Variants in RAB11FIP4 observed in about 807,000 individuals in gnomAD.
RAB11FIP4 encodes rab11 family-interacting protein 4.
In RAB11FIP4, 23 loss-of-function variants were observed where a neutral mutation model predicts 74.3. That is an observed-to-expected ratio of 0.31 (90% CI 0.22 to 0.44). RAB11FIP4 has a LOEUF of 0.44. Among genes scored for constraint, RAB11FIP4 ranks in the 20% least tolerant of loss-of-function variants. The probability of loss-of-function intolerance (pLI) is 1.00; values close to 1 mark genes in which losing one functional copy is unlikely to be tolerated. For synonymous variants in RAB11FIP4, 360 were observed against 359.9 expected (o/e 1.00, Z 0.00); for missense variants, 630 against 863.9 (o/e 0.73, Z 3.39).
chr17:31,510,361 C>T (rs904553088), intron 3 of RAB11FIP4, among the ~76,000 whole-genome samples: 1 of 152,390 alleles, frequency 6.6e-6, no homozygotes, highest in Non-Finnish European at 1.5e-5. Context: ...TCCACCCCCA[C>T]CGCACACATG....
chr17:31,524,531 C>T (rs890722528), intron 9 of RAB11FIP4: 1 of 169,430 alleles, frequency 5.9e-6, no homozygotes, highest in Admixed American at 5.5e-5. Flanking sequence ...TCACAGGGCC[C>T]AAAGATGGGC....
intron 3 of RAB11FIP4, among the ~76,000 whole-genome samples, chr17:31,473,377 CAA>C (rs10562376): frequency 0.2 from 29,046 of 146,994 alleles, 3,187 homozygotes; most frequent in African/African-American, 0.3. Flanking sequence ...CAGTCTCTAC[CAA>C]AAAAAAAAAA....
Position 31,486,235 on chromosome 17 carries a change from A to AAAAT in RAB11FIP4, c.337-31400_337-31397dup, listed in dbSNP as rs955807151. Among the ~76,000 whole-genome samples the AAAAT allele has an allele frequency of 8.5e-5, 13 of 152,180 alleles. No homozygotes were observed. In the South Asian group the frequency reaches 1.0e-3, roughly 12 times the overall value. The stretch of plus-strand genomic sequence containing the variant: ...GGCAACAGAATGAAATATAAATCTC[A>AAAAT]AAATAAATAAATAAATAAACAAATA... On this transcript the variant is annotated intron_variant, in intron 3 of 14. Coordinates refer to ENST00000621161, the MANE Select transcript of RAB11FIP4 (RefSeq NM_032932.6).
intron 3 of RAB11FIP4, among the ~76,000 whole-genome samples, chr17:31,492,898 C>T (rs866650315): frequency 1.4e-4 from 21 of 152,190 alleles, no homozygotes; most frequent in South Asian, 6.2e-4. Flanking sequence ...CCCCCCTGAG[C>T]ACCCAGACAA....
At chr17:31,448,375 A>G (rs899881215) in intron 3 of RAB11FIP4, 3 of 129,498 alleles carry the variant, frequency 2.3e-5, no homozygotes, top group Non-Finnish European at 3.1e-5. Context: ...ACAGGCTCAT[A>G]CCACCACATC....
intron 3 of RAB11FIP4, 69 bp from the exon 4 acceptor site, chr17:31,517,581 TG>T: frequency 7.0e-7 from 1 of 1,436,736 alleles, no homozygotes; most frequent in Non-Finnish European, 9.6e-7. Context: ...GATGCCCTTG[TG>T]GTCTGATTGG....
chr17:31,438,198 G>A (rs74899032), intron 3 of RAB11FIP4, among the ~76,000 whole-genome samples: 1,739 of 152,162 alleles, frequency 0.011, 32 homozygotes, highest in African/African-American at 0.039. Context: ...AGGGGCCCCC[G>A]TGGGGAGGGG....
intron 3 of RAB11FIP4, among the ~76,000 whole-genome samples, chr17:31,444,774 T>C (rs1446739143): frequency 1.3e-5 from 2 of 152,242 alleles, no homozygotes; most frequent in African/African-American, 2.4e-5. Context: ...TTTATGAACC[T>C]GTAGGACATT....
intron 1 of RAB11FIP4, among the ~76,000 whole-genome samples, chr17:31,407,610 C>T (rs2071055097): frequency 6.6e-6 from 1 of 152,152 alleles, no homozygotes; most frequent in Non-Finnish European, 1.5e-5. Flanking sequence ...GGAGTCCAGG[C>T]CAGTTGTCCT....
chr17:31,402,788 ATTTT>A (rs1330720323), intron 1 of RAB11FIP4, among the ~76,000 whole-genome samples: 22 of 147,106 alleles, frequency 1.5e-4, no homozygotes, highest in Non-Finnish European at 2.3e-4. Context: ...CTCCTGGCTA[ATTTT>A]TTTTTTGTAT....
At chr17:31,525,713 G>T (rs1336103056) in intron 10 of RAB11FIP4, 1 of 167,452 alleles carries the variant, frequency 6.0e-6, no homozygotes, top group East Asian at 1.8e-4. Context: ...TAGCTCCATG[G>T]CCTTGGACGT....
intron 4 of RAB11FIP4, among the ~76,000 whole-genome samples, chr17:31,519,489 C>T (rs1329984336): frequency 6.6e-6 from 1 of 152,140 alleles, no homozygotes; most frequent in African/African-American, 2.4e-5. Context: ...CATCTCAGCC[C>T]TCACCAAGTC....
chr17:31,494,374 G>GGATGAGGCTAGTACCTCC (rs1555547665), intron 3 of RAB11FIP4, among the ~76,000 whole-genome samples: 6 of 146,748 alleles, frequency 4.1e-5, no homozygotes, highest in Admixed American at 2.1e-4. Flanking sequence ...TCGTGGTAAG[G>GGATGAGGCTAGTACCTCC]CTCAAATATG....
rs565076763 is a variant in RAB11FIP4 at position 31,437,283 on chromosome 17, C to T, written c.336+3161C>T. On this transcript the variant is annotated intron_variant, in intron 3 of 14. Coordinates refer to ENST00000621161, the MANE Select transcript of RAB11FIP4 (RefSeq NM_032932.6). ...GGGCACAATCCGAAGACCAGCCTGA[C>T]GGGGCAGACGGCTTCTGGATTGTGA... Among the ~76,000 whole-genome samples the T allele has an allele frequency of 1.2e-4, 19 of 152,238 alleles. No homozygotes were observed. In the East Asian group the frequency reaches 1.9e-3, roughly 15 times the overall value.
chr17:31,430,040 A>G (rs1231218483), intron 1 of RAB11FIP4, among the ~76,000 whole-genome samples: 1 of 152,176 alleles, frequency 6.6e-6, no homozygotes, highest in Non-Finnish European at 1.5e-5. Flanking sequence ...ACAAGACAGG[A>G]TAGCAGCGGG....
At chr17:31,525,555 C>T (rs895443170) in intron 10 of RAB11FIP4, 1 of 317,236 alleles carries the variant, frequency 3.2e-6, no homozygotes, top group Non-Finnish European at 5.8e-6. Context: ...TCCCCTGACC[C>T]CTGGTGGACT....
chr17:31,517,850 T>G lies in RAB11FIP4; in HGVS notation c.536T>G (p.Leu179Arg), dbSNP rs1252259499. Residue 179 changes from leucine to arginine, a missense_variant, in exon 4 of 15, where the codon CTT (leucine) becomes CGT (arginine). Physicochemically the swap from Leu to Arg is moderately radical, Grantham distance 102. Coordinates refer to ENST00000621161, the MANE Select transcript of RAB11FIP4 (RefSeq NM_032932.6). ...VGSPAEKDGG[L>R]GGLFLPEDKS... ...AGTCCTGCCGAGAAGGACGGGGGAC[T>G]TGGGGGCCTGTTTCTGCCAGAAGAC... The G allele has an allele frequency of 4.5e-6, 7 of 1,551,632 alleles. No homozygotes were observed. In the South Asian group the frequency reaches 4.8e-5, roughly 11 times the overall value.
intron 1 of RAB11FIP4, among the ~76,000 whole-genome samples, chr17:31,393,997 TTAAG>T (rs1297955216): frequency 6.6e-6 from 1 of 152,218 alleles, no homozygotes; most frequent in Admixed American, 6.5e-5. Flanking sequence ...TCTGCTTATA[TTAAG>T]TTTCTGGCCA....
At chr17:31,409,973 A>G (rs2071077835) in intron 1 of RAB11FIP4, among the ~76,000 whole-genome samples, 1 of 152,196 alleles carries the variant, frequency 6.6e-6, no homozygotes, top group African/African-American at 2.4e-5. Context: ...TGAACGGGTC[A>G]GAGGTCAACT....
Sources: gnomAD v4.1 joint callset for allele counts (sites outside exome capture counted in the v4.1 genomes callset) on GRCh38, gnomAD v4.1.1 for gene constraint, MANE v1.5 for transcripts, NCBI Gene and HGNC (gene_info 2026-07-23, HGNC 2026-07-21) for gene names.